Variants in ADGRB3 observed in about 807,000 individuals in gnomAD.
The protein encoded by ADGRB3 is brain-specific angiogenesis inhibitor 3.
ADGRB3 carries 37 observed loss-of-function variants against 193.4 expected under a neutral mutation model. The observed-to-expected ratio is 0.19, with a 90% CI of 0.15 to 0.25. ADGRB3 has a LOEUF of 0.25. ADGRB3 is among the 10% of genes least tolerant of loss of function. The pLI is 1.00. For missense variants in ADGRB3, 1,637 were observed against 1,852.9 expected (o/e 0.88, Z 2.14); for synonymous variants, 690 against 644.2 (o/e 1.07, Z -1.08).
chr6:69,296,847 A>T (rs1240813578), intron 20 of ADGRB3, among the ~76,000 whole-genome samples: 1 of 152,130 alleles, frequency 6.6e-6, no homozygotes, highest in Non-Finnish European at 1.5e-5. Context: ...CTCATGACAT[A>T]TCTCATTCCA....
intron 20 of ADGRB3, among the ~76,000 whole-genome samples, chr6:69,271,218 G>T (rs927899230): frequency 6.6e-6 from 1 of 152,148 alleles, no homozygotes; most frequent in African/African-American, 2.4e-5. Context: ...CAGGATGGTG[G>T]TTACCACAGG....
At chr6:69,110,433 C>A (rs1773337828) in intron 17 of ADGRB3, among the ~76,000 whole-genome samples, 1 of 151,846 alleles carries the variant, frequency 6.6e-6, no homozygotes, top group African/African-American at 2.4e-5. Flanking sequence ...AAAAAGAAAA[C>A]CACAATAAGT....
At chr6:69,059,410 T>C (rs1771650243) in intron 15 of ADGRB3, among the ~76,000 whole-genome samples, 1 of 152,024 alleles carries the variant, frequency 6.6e-6, no homozygotes, top group African/African-American at 2.4e-5. Flanking sequence ...TTTTATACTC[T>C]CTTTAAGATA....
chr6:68,982,013 G>A (rs1175593671), intron 10 of ADGRB3, among the ~76,000 whole-genome samples: 3 of 151,956 alleles, frequency 2.0e-5, no homozygotes, highest in African/African-American at 7.2e-5. Context: ...AGCCTCCTGA[G>A]TAGCTGGGAT....
chr6:69,189,003 T>A (rs1026942277), intron 17 of ADGRB3, among the ~76,000 whole-genome samples: 1 of 152,212 alleles, frequency 6.6e-6, no homozygotes, highest in Admixed American at 6.5e-5. Flanking sequence ...AGAAAGATTT[T>A]TAAACTTAAT....
intron 30 of ADGRB3, among the ~76,000 whole-genome samples, chr6:69,375,788 C>T (rs1409005729): frequency 6.6e-6 from 1 of 151,846 alleles, no homozygotes; most frequent in East Asian, 1.9e-4. Context: ...ACTGAAAATA[C>T]AAAAATTAGC....
chr6:69,243,592 A>G (rs1190634217), intron 20 of ADGRB3, among the ~76,000 whole-genome samples: 1 of 152,052 alleles, frequency 6.6e-6, no homozygotes, highest in Non-Finnish European at 1.5e-5. Flanking sequence ...GCCAATACAC[A>G]TATCTTCAAT....
At chr6:69,217,741 T>A (rs1052548581) in intron 17 of ADGRB3, among the ~76,000 whole-genome samples, 1 of 152,216 alleles carries the variant, frequency 6.6e-6, no homozygotes, top group Non-Finnish European at 1.5e-5. Context: ...TTAAAAACCC[T>A]GATTTGCTTC....
chr6:69,088,333 A>G (rs555230721), intron 17 of ADGRB3, among the ~76,000 whole-genome samples: 73 of 152,282 alleles, frequency 4.8e-4, no homozygotes, highest in African/African-American at 1.7e-3. Flanking sequence ...CTAGTTCAAT[A>G]TATACAATAA....
At chr6:69,057,214 CAATT>C (rs1771569889) in intron 15 of ADGRB3, among the ~76,000 whole-genome samples, 1 of 151,956 alleles carries the variant, frequency 6.6e-6, no homozygotes, top group African/African-American at 2.4e-5. Context: ...TGTATGGAAA[CAATT>C]GATTTTTGTG....
chr6:68,803,735 C>G (rs776461878), intron 3 of ADGRB3, among the ~76,000 whole-genome samples: 11 of 152,100 alleles, frequency 7.2e-5, no homozygotes, highest in Non-Finnish European at 1.5e-4. Context: ...TTTTTATTAT[C>G]TAAACAAATC....
At chr6:68,647,508 A>C (rs1218957398) in intron 3 of ADGRB3, among the ~76,000 whole-genome samples, 1 of 152,166 alleles carries the variant, frequency 6.6e-6, no homozygotes, top group African/African-American at 2.4e-5. Context: ...TTTGAACTTG[A>C]CTATGAATTT....
chr6:69,117,396 A>G (rs542000139), intron 17 of ADGRB3, among the ~76,000 whole-genome samples: 1 of 152,364 alleles, frequency 6.6e-6, no homozygotes, highest in East Asian at 1.9e-4. Flanking sequence ...CCACTAGAAC[A>G]CAGATTTCTG....
chr6:68,743,955 G>A (rs912307107), intron 3 of ADGRB3, among the ~76,000 whole-genome samples: 2 of 151,948 alleles, frequency 1.3e-5, no homozygotes, highest in African/African-American at 4.8e-5. Context: ...GAAACAATCT[G>A]GAGTCTATTA....
At chr6:69,333,453 G>GA (rs913087786) in intron 24 of ADGRB3, among the ~76,000 whole-genome samples, 4 of 151,792 alleles carry the variant, frequency 2.6e-5, no homozygotes, top group East Asian at 1.9e-4. Flanking sequence ...TATATATCAG[G>GA]AAAAAAATCT....
At chr6:69,223,161 C>T (rs541487163) in intron 17 of ADGRB3, among the ~76,000 whole-genome samples, 10 of 152,196 alleles carry the variant, frequency 6.6e-5, no homozygotes, top group South Asian at 6.2e-4. Flanking sequence ...ATAAGAATAT[C>T]GTTTCACTCA....
intron 11 of ADGRB3, among the ~76,000 whole-genome samples, chr6:69,011,573 C>T (rs1386208087): frequency 6.6e-6 from 1 of 151,928 alleles, no homozygotes; most frequent in African/African-American, 2.4e-5. Flanking sequence ...TACTCCAAAC[C>T]TCAGCATCAC....
At position 69,142,724 on chromosome 6, in the gene ADGRB3, A is replaced by G. The variant is rs559341849; in HGVS notation, c.2480+66686A>G. ...CTGGTTGCTTCTCTGGCTCATGACA[A>G]CAAAGGCAGATGAACAGCAGTTTTG... is the stretch of plus-strand genomic sequence containing the variant. On this transcript the variant is annotated intron_variant, in intron 17 of 31. Coordinates refer to ENST00000370598, the MANE Select transcript of ADGRB3 (RefSeq NM_001704.3). Among the ~76,000 whole-genome samples, 6 of 152,326 alleles carry G rather than the reference A, an allele frequency of 3.9e-5. No individual in the cohort carries two copies. The South Asian group carries it at 8.3e-4, about 21-fold the overall frequency.
intron 20 of ADGRB3, among the ~76,000 whole-genome samples, chr6:69,249,833 C>T (rs1202577808): frequency 3.3e-5 from 5 of 152,144 alleles, no homozygotes; most frequent in African/African-American, 4.8e-5. Flanking sequence ...AATTTTAAAT[C>T]TTAAGCCTTG....
Sources: allele counts gnomAD v4.1 joint callset (sites outside exome capture counted in the v4.1 genomes callset), GRCh38; gene constraint gnomAD v4.1.1; transcripts MANE v1.5; gene names NCBI Gene and HGNC (gene_info 2026-07-23, HGNC 2026-07-21).